The following TBC1D9 variants were observed in gnomAD, a reference collection of about 807,000 sequenced individuals.
The protein encoded by TBC1D9 is TBC1 domain family member 9A.
Under a neutral mutation model 132.0 loss-of-function variants are expected in TBC1D9, and 63 were observed. The observed-to-expected ratio is 0.48, with a 90% CI of 0.39 to 0.59. TBC1D9 has a LOEUF of 0.59. TBC1D9 is among the 20% of genes least tolerant of loss of function. The probability of loss-of-function intolerance (pLI) is 0.00; values close to 1 mark genes in which losing one functional copy is unlikely to be tolerated. For missense variants in TBC1D9, 1,261 were observed against 1,592.7 expected, an observed-to-expected ratio of 0.79 and a Z score of 3.54; for synonymous variants, 610 against 609.9, an observed-to-expected ratio of 1.00 and a Z score of 0.00.
rs537366179 is a variant in TBC1D9, at chr4:140,652,951, C to T, written c.2337+4146G>A. 3.9e-5 allele frequency among the ~76,000 whole-genome samples: 6 copies of T among 152,298 alleles called. No homozygotes were observed. The South Asian group carries it at 6.2e-4, about 16-fold the overall frequency. On this transcript the variant is annotated intron_variant, in intron 13 of 20. Coordinates refer to ENST00000442267, the MANE Select transcript of TBC1D9 (RefSeq NM_015130.3). ...GAAGCAGCTCTGTGATAGCTGTGTA[C>T]CCACTTTAAGGCCTATTAACATCCT...
intron 1 of TBC1D9, among the ~76,000 whole-genome samples, chr4:140,731,427 C>T (rs1738587857): frequency 6.6e-6 from 1 of 152,078 alleles, no homozygotes; most frequent in Admixed American, 6.6e-5. Flanking sequence ...TGAGGTGGCT[C>T]ACACGTGTAA....
chr4:140,671,300 C>G (rs746073647), intron 6 of TBC1D9, among the ~76,000 whole-genome samples: 3 of 152,130 alleles, frequency 2.0e-5, no homozygotes, highest in Non-Finnish European at 4.4e-5. Flanking sequence ...CTACGACACA[C>G]AGGACAGCCC....
At chr4:140,680,725 TC>T (rs1020747084) in intron 3 of TBC1D9, among the ~76,000 whole-genome samples, 4 of 152,212 alleles carry the variant, frequency 2.6e-5, no homozygotes, top group East Asian at 3.8e-4. Flanking sequence ...GGCCAACTTC[TC>T]AGATTCTCAT....
intron 2 of TBC1D9, among the ~76,000 whole-genome samples, chr4:140,696,767 C>T (rs1737966857): frequency 6.6e-6 from 1 of 152,194 alleles, no homozygotes; most frequent in South Asian, 2.1e-4. Context: ...TTACAAAACA[C>T]ATGACAAGAT....
intron 17 of TBC1D9, among the ~76,000 whole-genome samples, chr4:140,627,972 C>T (rs1736734454): frequency 6.6e-6 from 1 of 152,214 alleles, no homozygotes; most frequent in Non-Finnish European, 1.5e-5. Flanking sequence ...ATTTTCCCCA[C>T]TTGTTCCTGT....
chr4:140,737,132 G>A (rs377063414), intron 1 of TBC1D9, among the ~76,000 whole-genome samples: 1 of 152,140 alleles, frequency 6.6e-6, no homozygotes, highest in Non-Finnish European at 1.5e-5. Flanking sequence ...TAGGGTTGGC[G>A]CTATTAGAAT....
intron 1 of TBC1D9, among the ~76,000 whole-genome samples, chr4:140,730,405 G>A (rs542588507): frequency 2.0e-4 from 30 of 152,210 alleles, no homozygotes; most frequent in African/African-American, 6.0e-4. Flanking sequence ...TGGATCTGAC[G>A]GCACTGTCTA....
intron 1 of TBC1D9, among the ~76,000 whole-genome samples, chr4:140,709,266 A>T (rs989684192): frequency 6.6e-5 from 10 of 150,734 alleles, no homozygotes; most frequent in East Asian, 3.9e-4. Context: ...ACACACACAC[A>T]CACACACACA....
intron 2 of TBC1D9, among the ~76,000 whole-genome samples, chr4:140,692,068 C>G (rs1345972392): frequency 1.3e-5 from 2 of 152,122 alleles, no homozygotes; most frequent in Non-Finnish European, 2.9e-5. Flanking sequence ...CATTTTGTTT[C>G]TGGGACTGCA....
intron 15 of TBC1D9, among the ~76,000 whole-genome samples, chr4:140,637,287 C>T (rs937072805): frequency 1.3e-5 from 2 of 151,794 alleles, no homozygotes; most frequent in Non-Finnish European, 2.9e-5. Context: ...GAGGCAGAGG[C>T]TACAGTGAGC....
intron 13 of TBC1D9, among the ~76,000 whole-genome samples, chr4:140,653,566 T>TA (rs1007384656): frequency 4.0e-5 from 6 of 149,974 alleles, no homozygotes; most frequent in East Asian, 3.9e-4. Flanking sequence ...AAGCTTAGCT[T>TA]AAAAAAAAAA....
intron 3 of TBC1D9, among the ~76,000 whole-genome samples, chr4:140,686,133 A>T (rs1448840508): frequency 6.6e-6 from 1 of 152,200 alleles, no homozygotes; most frequent in African/African-American, 2.4e-5. Flanking sequence ...ATAAAAGAAA[A>T]AAAAGGAATA....
chr4:140,625,748 C>G (rs1736695715), intron 18 of TBC1D9, among the ~76,000 whole-genome samples: 4 of 152,104 alleles, frequency 2.6e-5, no homozygotes, highest in Admixed American at 2.6e-4. Flanking sequence ...AAGTAATATT[C>G]TCACTGGATT....
At chr4:140,646,634 C>T (rs1377584300) in intron 13 of TBC1D9, among the ~76,000 whole-genome samples, 1 of 152,094 alleles carries the variant, frequency 6.6e-6, no homozygotes. Context: ...TTTCTAGTAC[C>T]TTTTACTTTC....
At chr4:140,694,570 C>CAA (rs200877899) in intron 2 of TBC1D9, among the ~76,000 whole-genome samples, 1 of 100,354 alleles carries the variant, frequency 1.0e-5, no homozygotes, top group Non-Finnish European at 2.1e-5. Flanking sequence ...GACCCTGTCT[C>CAA]AAAAAAAAAA....
chr4:140,743,020 G>A (rs1738784611), intron 1 of TBC1D9, among the ~76,000 whole-genome samples: 1 of 151,770 alleles, frequency 6.6e-6, no homozygotes, highest in South Asian at 2.1e-4. Context: ...AGGAAGGGAT[G>A]GAGGGAGGGA....
At chr4:140,665,189 T>C (rs1400601921) in intron 9 of TBC1D9, among the ~76,000 whole-genome samples, 2 of 151,420 alleles carry the variant, frequency 1.3e-5, no homozygotes, top group African/African-American at 4.9e-5. Flanking sequence ...GAAAGCATAG[T>C]AGTGTAAATC....
intron 1 of TBC1D9, among the ~76,000 whole-genome samples, chr4:140,718,485 A>G (rs1217607333): frequency 2.0e-5 from 3 of 152,138 alleles, no homozygotes; most frequent in Admixed American, 2.0e-4. Context: ...ACATAAACCC[A>G]GGGCCTCATA....
chr4:140,627,399 T>C, intron 18 of TBC1D9, 42 bp downstream of exon 18: 1 of 1,302,792 alleles, frequency 7.7e-7, no homozygotes, highest in South Asian at 1.3e-5. Flanking sequence ...GAGGGCTCGG[T>C]AGAAAACAAA....
Sources: gnomAD v4.1 joint callset for allele counts (sites outside exome capture counted in the v4.1 genomes callset) on GRCh38, gnomAD v4.1.1 for gene constraint, MANE v1.5 for transcripts, NCBI Gene and HGNC (gene_info 2026-07-23, HGNC 2026-07-21) for gene names.